Variants in AFG2A observed in about 807,000 individuals in gnomAD.
AFG2A encodes ATPase family gene 2 protein homolog A.
chr4:123,101,655 T>C, the AFG2A span, among the ~76,000 whole-genome samples: 2 of 151,998 alleles, frequency 1.3e-5, no homozygotes, highest in Admixed American at 6.6e-5. Flanking sequence ...CTTTGAACTT[T>C]TTGCTTATAG....
the AFG2A span, among the ~76,000 whole-genome samples, chr4:123,133,934 G>A: frequency 6.6e-6 from 1 of 152,160 alleles, no homozygotes; most frequent in Admixed American, 6.5e-5. Context: ...TTTGAGAAAT[G>A]TGTATTGAAG....
the AFG2A span, among the ~76,000 whole-genome samples, chr4:123,128,939 A>T: frequency 2.6e-5 from 4 of 152,212 alleles, no homozygotes; most frequent in African/African-American, 9.6e-5. Context: ...ATGCTTGTTA[A>T]TAATTTTCAA....
chr4:123,201,914 C>A, the AFG2A span, among the ~76,000 whole-genome samples: 54 of 151,930 alleles, frequency 3.6e-4, no homozygotes, highest in Non-Finnish European at 7.2e-4. Flanking sequence ...CAGAGTGAGA[C>A]CCTGTCTCAA....
chr4:123,127,934 G>A, the AFG2A span, among the ~76,000 whole-genome samples: 259 of 152,234 alleles, frequency 1.7e-3, 4 homozygotes, highest in African/African-American at 6.0e-3. Context: ...TGGAGGTTAA[G>A]CTAGTACTCA....
At chr4:122,942,080 T>C in the AFG2A span, among the ~76,000 whole-genome samples, 1 of 151,914 alleles carries the variant, frequency 6.6e-6, no homozygotes, top group Non-Finnish European at 1.5e-5. Flanking sequence ...TCAAGGAGAT[T>C]GGTCTAAAAT....
chr4:123,043,912 G>A, the AFG2A span, among the ~76,000 whole-genome samples: 15 of 152,230 alleles, frequency 9.9e-5, no homozygotes, highest in South Asian at 1.5e-3. Context: ...TTATTCTTTG[G>A]AAAGTCAACA....
At chr4:123,280,141 C>T in the AFG2A span, among the ~76,000 whole-genome samples, 1 of 152,028 alleles carries the variant, frequency 6.6e-6, no homozygotes, top group Non-Finnish European at 1.5e-5. Context: ...CCTAGCTCTA[C>T]CATTTATCAA....
the AFG2A span, among the ~76,000 whole-genome samples, chr4:123,150,968 A>G: frequency 6.6e-6 from 1 of 152,162 alleles, no homozygotes; most frequent in Non-Finnish European, 1.5e-5. Flanking sequence ...AACACCACAC[A>G]TCTACAATCA....
the AFG2A span, among the ~76,000 whole-genome samples, chr4:123,154,551 CT>C: frequency 6.6e-6 from 1 of 152,106 alleles, no homozygotes; most frequent in African/African-American, 2.4e-5. Flanking sequence ...TAAAAACTGT[CT>C]GAATTTAAGG....
At chr4:123,054,924 C>A in the AFG2A span, among the ~76,000 whole-genome samples, 1 of 152,016 alleles carries the variant, frequency 6.6e-6, no homozygotes, top group Non-Finnish European at 1.5e-5. Context: ...ACTGTTCTCT[C>A]GACTTCTGGA....
chr4:123,089,183 A>G, the AFG2A span, among the ~76,000 whole-genome samples: 59 of 152,334 alleles, frequency 3.9e-4, no homozygotes, highest in African/African-American at 1.2e-3. Context: ...CACTAAGTCA[A>G]ATTTTTGAAC....
chr4:122,944,757 C>G, the AFG2A span, among the ~76,000 whole-genome samples: 1 of 152,038 alleles, frequency 6.6e-6, no homozygotes, highest in African/African-American at 2.4e-5. Context: ...TTTTCCCCAT[C>G]TTTGTGGTTT....
chr4:123,158,763 TC>T, the AFG2A span, among the ~76,000 whole-genome samples: 1 of 152,090 alleles, frequency 6.6e-6, no homozygotes, highest in Non-Finnish European at 1.5e-5. Flanking sequence ...AGGAAGGAAG[TC>T]AGCAAGAAAG....
the AFG2A span, among the ~76,000 whole-genome samples, chr4:123,299,141 G>A: frequency 2.3e-3 from 345 of 152,064 alleles, no homozygotes; most frequent in African/African-American, 7.8e-3. Context: ...GTGTGTGTGT[G>A]TGTGTGTGTG....
the AFG2A span, among the ~76,000 whole-genome samples, chr4:123,237,544 C>A: frequency 0.67 from 101,659 of 151,446 alleles, 34,810 homozygotes; most frequent in Non-Finnish European, 0.72. Context: ...GTGGTGGTGC[C>A]TGCCTGTAAT....
the AFG2A span, among the ~76,000 whole-genome samples, chr4:122,997,756 C>G: frequency 2.6e-5 from 4 of 152,218 alleles, no homozygotes; most frequent in Non-Finnish European, 5.9e-5. Flanking sequence ...ACATTCTTAC[C>G]AGTAATATAT....
chr4:123,183,296 A>G, the AFG2A span, among the ~76,000 whole-genome samples: 11 of 152,236 alleles, frequency 7.2e-5, no homozygotes, highest in African/African-American at 2.4e-4. Context: ...AGATTAAATG[A>G]AATAATATAA....
chr4:123,041,505 A>G, the AFG2A span, among the ~76,000 whole-genome samples: 1 of 151,488 alleles, frequency 6.6e-6, no homozygotes, highest in East Asian at 1.9e-4. Context: ...ACTCTGAAAC[A>G]GTTTTTTGGG....
chr4:122,936,112 G>A, the AFG2A span: 3 of 1,603,824 alleles, frequency 1.9e-6, no homozygotes, highest in Non-Finnish European at 2.6e-6. Flanking sequence ...TCTATGGTGA[G>A]ACTGAAGCAA....
Sources: gnomAD v4.1 joint callset for allele counts (sites outside exome capture counted in the v4.1 genomes callset) on GRCh38, gnomAD v4.1.1 for gene constraint, MANE v1.5 for transcripts, NCBI Gene and HGNC (gene_info 2026-07-23, HGNC 2026-07-21) for gene names.